Variants in TGM7 observed in about 807,000 individuals in gnomAD.
TGM7 encodes the protein transglutaminase 7, also known as protein-glutamine gamma-glutamyltransferase Z.
A neutral mutation model predicts 79.5 loss-of-function variants in TGM7; 74 were observed. The observed-to-expected ratio is 0.93, with a 90% CI of 0.77 to 1.13. TGM7 has a LOEUF of 1.13. TGM7 is among the 50% of genes most tolerant of loss of function. TGM7 has a pLI of 0.00. For synonymous variants in TGM7, 354 were observed against 362.5 expected, an observed-to-expected ratio of 0.98 and a Z score of 0.27; for missense variants, 912 against 905.9, an observed-to-expected ratio of 1.01 and a Z score of -0.09.
rs1042969359 is a variant in TGM7, at chr15:43,293,597, C to T, written c.45G>A (p.Gln15=). Residue 15 remains glutamine (Q), a synonymous_variant, in exon 2 of 13, where the codon CAG becomes CAA. Coordinates refer to ENST00000452443, the MANE Select transcript of TGM7 (RefSeq NM_052955.3). ...ATLRLESVDL[Q]SSRNNKEHHT... Reference sequence around the variant, plus strand: ...GGTGCTCCTTGTTGTTCCTGGAGCTCTGCAGGTCGACAGACTCAAGCCGCA... The same window carrying T: ...GGTGCTCCTTGTTGTTCCTGGAGCTTTGCAGGTCGACAGACTCAAGCCGCA... 7 of 1,609,098 alleles carry T rather than the reference C, an allele frequency of 4.4e-6. No individual in the cohort carries two copies. The African/African-American group carries it at 9.4e-5, about 22-fold the overall frequency.
intron 6 of TGM7, among the ~76,000 whole-genome samples, chr15:43,286,021 C>T (rs1158738241): frequency 3.9e-5 from 6 of 152,152 alleles, no homozygotes; most frequent in Non-Finnish European, 8.8e-5. Flanking sequence ...ACGGTGCCTA[C>T]TGAGGCTGCC....
chr15:43,276,440 G>C lies in TGM7; in HGVS notation c.*15C>G, dbSNP rs537860249. On this transcript the variant is annotated 3_prime_UTR_variant, in exon 13 of 13. Transcript: ENST00000452443. ...TGGGGCAGGGGTGCCAGGGAGGGCA[G>C]CTGGAGGGCGGGTCTCAGGGAGCCC... 5.6e-6 allele frequency: 9 copies of C among 1,606,978 alleles called. No homozygotes were observed. In the East Asian group the frequency reaches 1.8e-4, roughly 32 times the overall value.
intron 7 of TGM7, among the ~76,000 whole-genome samples, chr15:43,283,074 A>G (rs1164751092): frequency 3.3e-5 from 5 of 152,164 alleles, no homozygotes; most frequent in Non-Finnish European, 7.3e-5. Context: ...AAAGAGTAGT[A>G]CAAAGAACAC....
chr15:43,302,159 C>G, intron 1 of TGM7, 82 bp downstream of exon 1: 1 of 1,554,652 alleles, frequency 6.4e-7, no homozygotes, highest in Admixed American at 1.7e-5. Context: ...CTGTCGCTTC[C>G]CTACATCCTC....
intron 9 of TGM7, among the ~76,000 whole-genome samples, chr15:43,281,592 CAT>C (rs745970137): frequency 2.6e-5 from 4 of 152,180 alleles, no homozygotes; most frequent in Admixed American, 2.0e-4. Context: ...ACATTTGGGA[CAT>C]ATATTACACA....
rs575376254 is a variant in TGM7, at chr15:43,290,261, C to T, written c.558+1718G>A. 3.4e-3 allele frequency among the ~76,000 whole-genome samples: 520 copies of T among 152,230 alleles called. 4 individuals carry two copies. The highest frequency in any genetic ancestry group is 5.9e-3 in the Non-Finnish European group (401 of 68,026). On this transcript the variant is annotated intron_variant, in intron 4 of 12. Coordinates refer to ENST00000452443, the MANE Select transcript of TGM7 (RefSeq NM_052955.3). ...TTTGTATAAGGTGTAAGGAAGGGGT[C>T]CAATTTCAGCTTTCTACATATGGCT...
intron 1 of TGM7, among the ~76,000 whole-genome samples, chr15:43,298,056 A>C (rs1365459558): frequency 1.3e-5 from 2 of 152,214 alleles, no homozygotes; most frequent in Non-Finnish European, 2.9e-5. Context: ...GTCTGAAAGA[A>C]TTTATGTTCT....
intron 1 of TGM7, among the ~76,000 whole-genome samples, chr15:43,299,312 G>T (rs2043015418): frequency 6.6e-6 from 1 of 152,298 alleles, no homozygotes; most frequent in Admixed American, 6.5e-5. Flanking sequence ...GACGGGAAGG[G>T]CAGCGAGAGC....
At chr15:43,297,864 C>G (rs2142423112) in intron 1 of TGM7, among the ~76,000 whole-genome samples, 1 of 152,312 alleles carries the variant, frequency 6.6e-6, no homozygotes, top group Middle Eastern at 3.4e-3. Context: ...TCACAACACC[C>G]TCTCTGTTTT....
chr15:43,298,678 G>A (rs1362954798), intron 1 of TGM7, among the ~76,000 whole-genome samples: 7 of 152,026 alleles, frequency 4.6e-5, no homozygotes, highest in Admixed American at 3.9e-4. Context: ...GCTTGAACCC[G>A]GGAGGCGGAG....
Position 43,282,006 on chromosome 15 carries a change from A to C in TGM7, c.1189T>G (p.Tyr397Asp). The change falls in exon 9 of 13, where the codon TAT becomes GAT. Residue 397 changes from tyrosine to aspartate, a missense_variant. Coordinates refer to ENST00000452443, the MANE Select transcript of TGM7 (RefSeq NM_052955.3). ...ACTTCATCGGCGTTCACCTCGGCAT[A>C]CACAAAAGGGGTGTCATAGGCCAGG... is the stretch of plus-strand genomic sequence containing the variant. ...VHLAYDTPFV[Y>D]AEVNADEVIW... 6.2e-7 allele frequency: 1 copy of C among 1,614,130 alleles called. No homozygotes were observed. The highest frequency in any genetic ancestry group is 8.5e-7 in the Non-Finnish European group (1 of 1,180,008).
intron 9 of TGM7, 74 bp downstream of exon 9, chr15:43,281,770 C>A: frequency 1.3e-6 from 2 of 1,575,654 alleles, no homozygotes; most frequent in Non-Finnish European, 8.6e-7. Context: ...ATGGTTTCAA[C>A]TTGGAGCCAT....
chr15:43,276,849 A>G lies in TGM7; in HGVS notation c.1973+13T>C. The G allele has an allele frequency of 6.2e-7, 1 of 1,613,036 alleles. No homozygotes were observed. Among genetic ancestry groups the G allele is most frequent in the African/African-American group, 1.3e-5 (1 of 75,046 alleles). On this transcript the variant is annotated intron_variant, in intron 12 of 12. Transcript: ENST00000452443. ...AGACCAGCAAGGGGGAGGTGGGCAG[A>G]AGCGTCACTTACTCCTTTGCTATCT...
Position 43,282,032 on chromosome 15 carries a change from T to G in TGM7, c.1163A>C (p.His388Pro). Residue 388 changes from histidine (H) to proline (P), a missense_variant, in exon 9 of 13, where the codon CAC (histidine) becomes CCC (proline). His to Pro is a moderately conservative substitution (Grantham distance 77, BLOSUM62 -2). Transcript: ENST00000452443. ...CACAAAAGGGGTGTCATAGGCCAGG[T>G]GGACATCCCCTTCCCTGATGGCCTT... The part of the protein sequence containing the change: ...SVKAIREGDV[H>P]LAYDTPFVYA... 1 of 1,614,064 alleles carries G rather than the reference T, an allele frequency of 6.2e-7. No homozygotes were observed. Among genetic ancestry groups the G allele is most frequent in the Non-Finnish European group, 8.5e-7 (1 of 1,179,992 alleles).
At chr15:43,285,022 T>A (rs1312222707) in intron 6 of TGM7, 70 bp from the exon 7 acceptor site, 2 of 1,588,202 alleles carry the variant, frequency 1.3e-6, no homozygotes, top group Non-Finnish European at 1.7e-6. Context: ...ATGCATAATT[T>A]GTAACTTTCA....
Position 43,287,441 on chromosome 15 carries a change from T to C in TGM7, c.704A>G (p.Asp235Gly). 6.2e-7 allele frequency: 1 copy of C among 1,614,146 alleles called. No individual in the cohort carries two copies. Among genetic ancestry groups the C allele is most frequent in the Admixed American group, 1.7e-5 (1 of 60,026 alleles). ...CCAGTTCCCCTGCAGCACGCCATTG[T>C]CATCGTTGCTGTTGATCTGCAGAGG... ...VVSAMINSND[D>G]NGVLQGNWGE... Residue 235 changes from aspartate to glycine, a missense_variant, in exon 6 of 13, where the codon GAC becomes GGC. Physicochemically the swap from Asp to Gly is moderately conservative, Grantham distance 94. Coordinates refer to ENST00000452443, the MANE Select transcript of TGM7 (RefSeq NM_052955.3).
chr15:43,287,182 G>A lies in TGM7; in HGVS notation c.865+98C>T, dbSNP rs1486011872. ...GCCTGGGTGCCCACCACCCCCAGCT[G>A]TGGGGCCATGGGCAAGCTACTGAAC... On this transcript the variant is annotated intron_variant, in intron 6 of 12. Coordinates refer to ENST00000452443, the MANE Select transcript of TGM7 (RefSeq NM_052955.3). 4.9e-6 allele frequency: 7 copies of A among 1,428,842 alleles called. No homozygotes were observed. In the East Asian group the frequency reaches 1.5e-4, roughly 31 times the overall value. The allele number at this position is 1,428,842 out of a possible 1,614,324, so 88.5% of individuals were successfully genotyped here. A position where few individuals can be genotyped will look rare whatever the true frequency, so the allele number is the denominator to read the frequency against.
intron 9 of TGM7, among the ~76,000 whole-genome samples, chr15:43,281,165 C>A (rs1418257593): frequency 6.6e-6 from 1 of 152,264 alleles, no homozygotes; most frequent in East Asian, 1.9e-4. Context: ...TTTAACCTCT[C>A]AACAGCCGTC....
chr15:43,282,183 A>C, intron 8 of TGM7, 97 bp from the exon 9 acceptor site: 11 of 1,502,046 alleles, frequency 7.3e-6, no homozygotes, highest in Non-Finnish European at 9.0e-6. Context: ...ACTGACTCTC[A>C]CCCGTGGGAT....
Sources: allele counts gnomAD v4.1 joint callset (sites outside exome capture counted in the v4.1 genomes callset), GRCh38; gene constraint gnomAD v4.1.1; transcripts MANE v1.5; gene names NCBI Gene and HGNC (gene_info 2026-07-23, HGNC 2026-07-21).